Variants in GSG1L observed in about 807,000 individuals in gnomAD.
GSG1L encodes the protein germ cell-specific gene 1-like protein.
Under a neutral mutation model 42.1 loss-of-function variants are expected in GSG1L, and 24 were observed. The ratio of observed to expected loss-of-function variants is 0.57; its 90% CI spans 0.41 to 0.80. The LOEUF (loss-of-function observed/expected upper bound fraction) is 0.80. GSG1L is among the 30% of genes least tolerant of loss of function. The pLI is 0.00. For synonymous variants in GSG1L, 215 were observed against 203.5 expected (o/e 1.06, Z -0.48); for missense variants, 445 against 472.2 (o/e 0.94, Z 0.53).
intron 1 of GSG1L, among the ~76,000 whole-genome samples, chr16:28,042,835 C>A (rs1390640499): frequency 6.6e-6 from 1 of 152,188 alleles, no homozygotes; most frequent in African/African-American, 2.4e-5. Context: ...GAAGACTTGG[C>A]AGATCGGAAG....
chr16:27,908,176 C>T (rs552839689), intron 2 of GSG1L, among the ~76,000 whole-genome samples: 13 of 152,354 alleles, frequency 8.5e-5, no homozygotes, highest in African/African-American at 3.1e-4. Context: ...GTCACCCAGG[C>T]TAGCCTGCTG....
At chr16:27,928,177 T>C (rs941446831) in intron 2 of GSG1L, among the ~76,000 whole-genome samples, 1 of 152,194 alleles carries the variant, frequency 6.6e-6, no homozygotes, top group African/African-American at 2.4e-5. Flanking sequence ...CATTGTCTTC[T>C]TTCATTCTCA....
chr16:28,049,872 T>G (rs2086203887), intron 1 of GSG1L, among the ~76,000 whole-genome samples: 2 of 152,240 alleles, frequency 1.3e-5, no homozygotes, highest in South Asian at 4.1e-4. Context: ...TATGCAAAAC[T>G]CCACCTGCAA....
chr16:27,876,643 C>T (rs953191985), intron 3 of GSG1L, among the ~76,000 whole-genome samples: 3 of 152,150 alleles, frequency 2.0e-5, no homozygotes, highest in East Asian at 1.9e-4. Context: ...ACCTAGTTCC[C>T]GAGGATGTGA....
chr16:27,883,976 G>A (rs774956197), intron 3 of GSG1L, among the ~76,000 whole-genome samples: 12 of 152,168 alleles, frequency 7.9e-5, no homozygotes, highest in Admixed American at 1.3e-4. Context: ...TTGAGCTTCC[G>A]GATGTGTTTG....
chr16:27,967,146 C>A (rs879424555), intron 1 of GSG1L, among the ~76,000 whole-genome samples: 6 of 152,226 alleles, frequency 3.9e-5, no homozygotes, highest in African/African-American at 1.4e-4. Context: ...TCAAAACGAT[C>A]TAGAAGCTTT....
intron 6 of GSG1L, among the ~76,000 whole-genome samples, chr16:27,803,353 G>T (rs964552353): frequency 6.6e-6 from 1 of 152,036 alleles, no homozygotes; most frequent in Non-Finnish European, 1.5e-5. Flanking sequence ...CAATGGCCCA[G>T]GAGAGTTGCC....
chr16:27,891,077 C>T (rs755614218), intron 2 of GSG1L, among the ~76,000 whole-genome samples: 1 of 152,114 alleles, frequency 6.6e-6, no homozygotes, highest in Non-Finnish European at 1.5e-5. Flanking sequence ...CTGGACATGC[C>T]GGGGGACGTA....
intron 1 of GSG1L, among the ~76,000 whole-genome samples, chr16:28,009,702 AC>A: frequency 6.6e-6 from 1 of 152,200 alleles, no homozygotes; most frequent in East Asian, 1.9e-4. Flanking sequence ...TGCAGTGGAA[AC>A]GGCACTGGCC....
intron 2 of GSG1L, among the ~76,000 whole-genome samples, chr16:27,898,254 C>T (rs1423668791): frequency 6.6e-6 from 1 of 152,120 alleles, no homozygotes; most frequent in African/African-American, 2.4e-5. Context: ...AAGCACTGGC[C>T]CACACAGGCT....
chr16:27,922,968 T>G (rs1348948125), intron 2 of GSG1L, among the ~76,000 whole-genome samples: 1 of 152,128 alleles, frequency 6.6e-6, no homozygotes, highest in Non-Finnish European at 1.5e-5. Context: ...TCTTATTTTT[T>G]GTAGAGAAGG....
At chr16:28,055,301 C>T (rs957107433) in intron 1 of GSG1L, among the ~76,000 whole-genome samples, 1 of 151,862 alleles carries the variant, frequency 6.6e-6, no homozygotes, top group Non-Finnish European at 1.5e-5. Context: ...GACTTACAGG[C>T]ACACACCACC....
At chr16:27,934,269 C>T (rs190403366) in intron 2 of GSG1L, among the ~76,000 whole-genome samples, 96 of 152,276 alleles carry the variant, frequency 6.3e-4, no homozygotes, top group African/African-American at 2.3e-3. Flanking sequence ...ATGGGCCAGG[C>T]GTGGTGGCTC....
chr16:28,057,728 T>G (rs1057002900), intron 1 of GSG1L, among the ~76,000 whole-genome samples: 4 of 152,166 alleles, frequency 2.6e-5, no homozygotes, highest in Admixed American at 2.0e-4. Flanking sequence ...GGGACCACGT[T>G]ATCTGGATCA....
chr16:27,928,056 T>TC (rs1325645105), intron 2 of GSG1L, among the ~76,000 whole-genome samples: 1 of 152,144 alleles, frequency 6.6e-6, no homozygotes, highest in Non-Finnish European at 1.5e-5. Flanking sequence ...ACGTTCCATG[T>TC]CCCCCAGTCC....
At chr16:27,902,795 G>A (rs373919442) in intron 2 of GSG1L, among the ~76,000 whole-genome samples, 1 of 152,182 alleles carries the variant, frequency 6.6e-6, no homozygotes, top group Non-Finnish European at 1.5e-5. Context: ...AACGATGTCC[G>A]CCTTAAGGGC....
At chr16:27,979,826 G>GAA (rs1194411225) in intron 1 of GSG1L, among the ~76,000 whole-genome samples, 8 of 44,076 alleles carry the variant, frequency 1.8e-4, no homozygotes, top group African/African-American at 3.9e-4. Flanking sequence ...AAGAAAGAAA[G>GAA]AGAGAGAGAG....
intron 5 of GSG1L, among the ~76,000 whole-genome samples, chr16:27,815,349 C>T (rs968827475): frequency 2.0e-5 from 3 of 152,102 alleles, no homozygotes; most frequent in Non-Finnish European, 4.4e-5. Context: ...TGTGATGTAC[C>T]TGCTCCCGTT....
chr16:28,016,224 G>C (rs143001162), intron 1 of GSG1L, among the ~76,000 whole-genome samples: 1 of 152,062 alleles, frequency 6.6e-6, no homozygotes, highest in Non-Finnish European at 1.5e-5. Context: ...CCTGACCTCA[G>C]GTGATCTGCC....
Sources: allele counts gnomAD v4.1 joint callset (sites outside exome capture counted in the v4.1 genomes callset), GRCh38; gene constraint gnomAD v4.1.1; transcripts MANE v1.5; gene names NCBI Gene and HGNC (gene_info 2026-07-23, HGNC 2026-07-21).